Variants in DDR2 observed in about 807,000 individuals in gnomAD.
DDR2 encodes discoidin domain-containing receptor 2.
Under a neutral mutation model 94.9 loss-of-function variants are expected in DDR2, and 27 were observed. That is an observed-to-expected ratio of 0.28 (90% CI 0.21 to 0.39). The LOEUF (loss-of-function observed/expected upper bound fraction) is 0.39, where lower values mean the gene tolerates loss of function less well. DDR2 is among the 10% of genes least tolerant of loss of function. The pLI is 1.00. For synonymous variants in DDR2, 382 were observed against 377.2 expected (o/e 1.01, Z -0.15); for missense variants, 783 against 1,076.0 (o/e 0.73, Z 3.81).
chr1:162,648,509 T>A (rs559874068), intron 1 of DDR2, among the ~76,000 whole-genome samples: 1 of 152,230 alleles, frequency 6.6e-6, no homozygotes, highest in East Asian at 1.9e-4. Flanking sequence ...GCCGGTGAAG[T>A]GTTGTCTTAA....
chr1:162,641,596 T>A (rs1657129582), intron 1 of DDR2, among the ~76,000 whole-genome samples: 1 of 152,246 alleles, frequency 6.6e-6, no homozygotes. Flanking sequence ...TAAGGGCTTA[T>A]TTTATATGCC....
Position 162,770,346 on chromosome 1 carries a change from C to T in DDR2, c.1338C>T (p.Ser446=), listed in dbSNP as rs2102180778. Residue 446 remains serine (S), a synonymous_variant, in exon 12 of 18, where the codon TCC becomes TCT. Transcript: ENST00000367921. ...ATGATGAAATGACAGTCAGCCTTTC[C>T]CTGCCAAGTGATTCTAGCATGTTCA... ...MLDDEMTVSL[S]LPSDSSMFNN... 6.2e-7 allele frequency: 1 copy of T among 1,614,026 alleles called. No homozygotes were observed. The highest frequency in any genetic ancestry group is 8.5e-7 in the Non-Finnish European group (1 of 1,179,992).
intron 3 of DDR2, among the ~76,000 whole-genome samples, chr1:162,751,966 G>C (rs950237728): frequency 6.6e-6 from 1 of 152,072 alleles, no homozygotes; most frequent in African/African-American, 2.4e-5. Flanking sequence ...TGGACACAGG[G>C]CGGAGAACAT....
intron 3 of DDR2, among the ~76,000 whole-genome samples, chr1:162,752,578 C>A (rs1663265357): frequency 6.6e-6 from 1 of 152,186 alleles, no homozygotes; most frequent in African/African-American, 2.4e-5. Flanking sequence ...TAGCCAGGAG[C>A]CAGAACATGG....
chr1:162,632,696 A>C (rs1656615524), intron 1 of DDR2, 65 bp downstream of exon 1: 3 of 152,110 alleles, frequency 2.0e-5, no homozygotes, highest in African/African-American at 7.2e-5. Context: ...CTCCGCATAT[A>C]CTTCTTTTGG....
chr1:162,630,967 C>A (rs192238704), upstream of DDR2, among the ~76,000 whole-genome samples: 183 of 152,264 alleles, frequency 1.2e-3, 1 homozygote, highest in African/African-American at 4.2e-3. Flanking sequence ...AACCCTAGTT[C>A]TAGTTTTTTC....
intron 3 of DDR2, among the ~76,000 whole-genome samples, chr1:162,745,033 C>T (rs1213807409): frequency 6.6e-6 from 1 of 152,188 alleles, no homozygotes; most frequent in African/African-American, 2.4e-5. Context: ...GATAGTCATC[C>T]TGACATGTAT....
intron 2 of DDR2, among the ~76,000 whole-genome samples, chr1:162,683,715 A>C (rs1464164951): frequency 6.6e-6 from 1 of 152,140 alleles, no homozygotes; most frequent in Non-Finnish European, 1.5e-5. Context: ...TGATGAAAGA[A>C]ATAAAAAGAT....
At chr1:162,699,281 A>G (rs1257942971) in intron 2 of DDR2, among the ~76,000 whole-genome samples, 1 of 152,268 alleles carries the variant, frequency 6.6e-6, no homozygotes, top group African/African-American at 2.4e-5. Context: ...TTTCCTTGCT[A>G]GGCCACAATG....
intron 1 of DDR2, among the ~76,000 whole-genome samples, chr1:162,635,170 G>A (rs933168672): frequency 6.6e-6 from 1 of 152,170 alleles, no homozygotes; most frequent in Non-Finnish European, 1.5e-5. Flanking sequence ...GCCACTCTGT[G>A]AACTCGCACT....
intron 3 of DDR2, among the ~76,000 whole-genome samples, chr1:162,747,950 T>C (rs1270320273): frequency 2.0e-5 from 3 of 152,172 alleles, no homozygotes; most frequent in African/African-American, 4.8e-5. Flanking sequence ...AAGCAAATGC[T>C]GAGAGATTTT....
intron 7 of DDR2, 58 bp from the exon 8 acceptor site, chr1:162,759,738 A>C: frequency 6.2e-7 from 1 of 1,605,358 alleles, no homozygotes; most frequent in Non-Finnish European, 8.5e-7. Flanking sequence ...TCTTCCACGA[A>C]TGTGTGGTTA....
At chr1:162,752,852 G>A (rs1466985690) in intron 3 of DDR2, among the ~76,000 whole-genome samples, 1 of 152,008 alleles carries the variant, frequency 6.6e-6, no homozygotes, top group African/African-American at 2.4e-5. Context: ...GATTGTCAGA[G>A]TTTGAACCAA....
chr1:162,715,448 C>T (rs1051325692), intron 2 of DDR2, among the ~76,000 whole-genome samples: 2 of 151,958 alleles, frequency 1.3e-5, no homozygotes, highest in African/African-American at 2.4e-5. Flanking sequence ...AACTTCTTGG[C>T]GGAGGTCCTT....
intron 2 of DDR2, among the ~76,000 whole-genome samples, chr1:162,671,732 G>A (rs1246536789): frequency 2.0e-5 from 3 of 152,142 alleles, no homozygotes; most frequent in Admixed American, 6.5e-5. Flanking sequence ...CCTCGTGAAA[G>A]CCCTCAGTAT....
At chr1:162,753,726 G>T (rs1379742709) in intron 4 of DDR2, among the ~76,000 whole-genome samples, 1 of 152,150 alleles carries the variant, frequency 6.6e-6, no homozygotes, top group Non-Finnish European at 1.5e-5. Flanking sequence ...GACAGAGTGT[G>T]GCAGTTTCCT....
chr1:162,653,433 C>T (rs2101906064), intron 1 of DDR2, among the ~76,000 whole-genome samples: 2 of 152,128 alleles, frequency 1.3e-5, no homozygotes, highest in South Asian at 4.1e-4. Flanking sequence ...AAAAACTAGC[C>T]AGGCATGGTG....
At chr1:162,707,030 A>G (rs1175058498) in intron 2 of DDR2, among the ~76,000 whole-genome samples, 1 of 152,136 alleles carries the variant, frequency 6.6e-6, no homozygotes, top group Non-Finnish European at 1.5e-5. Flanking sequence ...CCAGGAAAAG[A>G]ATCCCAGACA....
chr1:162,758,859 C>T (rs1663580882), intron 7 of DDR2, among the ~76,000 whole-genome samples: 1 of 152,092 alleles, frequency 6.6e-6, no homozygotes, highest in Non-Finnish European at 1.5e-5. Flanking sequence ...TCATATCTGC[C>T]AGAGCTTGAG....
Sources: gnomAD v4.1 joint callset for allele counts (sites outside exome capture counted in the v4.1 genomes callset) on GRCh38, gnomAD v4.1.1 for gene constraint, MANE v1.5 for transcripts, NCBI Gene and HGNC (gene_info 2026-07-23, HGNC 2026-07-21) for gene names.